The following POT1 variants were observed in gnomAD, a reference collection of about 807,000 sequenced individuals.
The protein encoded by POT1 is protection of telomeres protein 1.
POT1 carries 47 observed loss-of-function variants against 78.5 expected under a neutral mutation model. That is an observed-to-expected ratio of 0.60 (90% confidence interval 0.47 to 0.76). The LOEUF (loss-of-function observed/expected upper bound fraction) is 0.76. Among genes scored for constraint, POT1 ranks in the 30% least tolerant of loss-of-function variants. The probability of loss-of-function intolerance (pLI) is 0.00; values close to 1 mark genes in which losing one functional copy is unlikely to be tolerated. For missense variants in POT1, 646 were observed against 749.9 expected, an observed-to-expected ratio of 0.86 and a Z score of 1.62; for synonymous variants, 259 against 260.7, an observed-to-expected ratio of 0.99 and a Z score of 0.06.
At chr7:124,853,910 AT>A (rs913251234) in intron 9 of POT1, among the ~76,000 whole-genome samples, 2 of 152,106 alleles carry the variant, frequency 1.3e-5, no homozygotes, top group African/African-American at 4.8e-5. Context: ...AAGAAGCTAT[AT>A]AACCTAAATC....
rs541641029 is a variant in POT1 at position 124,855,692 on chromosome 7, C to CA, written c.703-2555dup. Among the ~76,000 whole-genome samples, 1,041 of 149,236 alleles carry CA rather than the reference C, an allele frequency of 7.0e-3. 11 individuals are homozygous for CA. Among genetic ancestry groups the CA allele is most frequent in the African/African-American group, 0.025 (1,007 of 40,564 alleles). ...AAACTAGAAACACTAAAAAAAAAAGCAAAGTAAATATGGCTAGTAAGAAAT... is the reference window on the plus strand; with the variant it reads ...AAACTAGAAACACTAAAAAAAAAAGCAAAAGTAAATATGGCTAGTAAGAAAT... On this transcript the variant is annotated intron_variant, in intron 9 of 18. Coordinates refer to ENST00000357628, the MANE Select transcript of POT1 (RefSeq NM_015450.3).
chr7:124,828,028 G>C (rs753599936), intron 16 of POT1, among the ~76,000 whole-genome samples: 10 of 151,930 alleles, frequency 6.6e-5, no homozygotes, highest in Non-Finnish European at 1.3e-4. Context: ...GTAAGGCTCT[G>C]TCTCAAAATA....
chr7:124,846,184 C>CACACACACAG (rs1554421673), intron 12 of POT1, among the ~76,000 whole-genome samples: 3 of 150,572 alleles, frequency 2.0e-5, no homozygotes, highest in Admixed American at 6.6e-5. Flanking sequence ...CACACACACA[C>CACACACACAG]CCCTATAATA....
intron 15 of POT1, among the ~76,000 whole-genome samples, chr7:124,830,376 T>C (rs1483646959): frequency 6.6e-6 from 1 of 152,162 alleles, no homozygotes; most frequent in Non-Finnish European, 1.5e-5. Context: ...ATGCAATTTG[T>C]TTTCATTTGC....
At chr7:124,887,114 G>A (rs1796260145) in intron 6 of POT1, among the ~76,000 whole-genome samples, 1 of 152,046 alleles carries the variant, frequency 6.6e-6, no homozygotes, top group Non-Finnish European at 1.5e-5. Flanking sequence ...CGTAACATTT[G>A]AAGAAAATTG....
chr7:124,825,088 CCT>C (rs1794597208), intron 18 of POT1, among the ~76,000 whole-genome samples, 162 bp downstream of exon 18: 1 of 151,902 alleles, frequency 6.6e-6, no homozygotes, highest in Admixed American at 6.6e-5. Flanking sequence ...CTATTTTATC[CCT>C]GCCACTCTCT....
chr7:124,827,331 C>A (rs1794655856), intron 16 of POT1, 26 bp from the exon 17 acceptor site: 1 of 1,331,944 alleles, frequency 7.5e-7, no homozygotes, highest in South Asian at 1.3e-5. Flanking sequence ...AAGATCAAAC[C>A]ATATGAGTCT....
intron 6 of POT1, among the ~76,000 whole-genome samples, chr7:124,878,524 T>A (rs777522139): frequency 6.6e-6 from 1 of 152,232 alleles, no homozygotes; most frequent in Non-Finnish European, 1.5e-5. Context: ...AATGGATATG[T>A]TAATTAGCTT....
At chr7:124,897,877 C>T (rs557495628) in intron 4 of POT1, among the ~76,000 whole-genome samples, 1 of 151,928 alleles carries the variant, frequency 6.6e-6, no homozygotes, top group East Asian at 1.9e-4. Context: ...AGAGGAAGGC[C>T]ATCTTCACAA....
intron 15 of POT1, among the ~76,000 whole-genome samples, chr7:124,832,591 G>C (rs1007674023): frequency 6.6e-6 from 1 of 152,138 alleles, no homozygotes; most frequent in Non-Finnish European, 1.5e-5. Flanking sequence ...GAGGTGGGCA[G>C]ATCACCTAAG....
chr7:124,847,835 T>C (rs1185318125), intron 11 of POT1, among the ~76,000 whole-genome samples: 13 of 152,192 alleles, frequency 8.5e-5, no homozygotes, highest in Admixed American at 6.5e-4. Flanking sequence ...GAAAATTTAG[T>C]GTGAGGAAAA....
intron 8 of POT1, among the ~76,000 whole-genome samples, chr7:124,861,150 T>C (rs1795586424): frequency 6.6e-6 from 1 of 152,196 alleles, no homozygotes. Flanking sequence ...TTAAACAGTA[T>C]TTCTGGTTTT....
At chr7:124,826,905 T>TA (rs1470385455) in intron 17 of POT1, among the ~76,000 whole-genome samples, 1 of 134,290 alleles carries the variant, frequency 7.4e-6, no homozygotes, top group Non-Finnish European at 1.6e-5. Flanking sequence ...CAAACAAAAG[T>TA]ACGATAAAAT....
At chr7:124,841,771 T>C (rs1331498343) in intron 13 of POT1, among the ~76,000 whole-genome samples, 2 of 151,978 alleles carry the variant, frequency 1.3e-5, no homozygotes, top group African/African-American at 4.8e-5. Flanking sequence ...TGAGATAATA[T>C]CCTTATTTGT....
At chr7:124,897,140 T>C (rs1277755434) in intron 5 of POT1, 25 bp downstream of exon 5, 2 of 1,414,498 alleles carry the variant, frequency 1.4e-6, no homozygotes, top group Admixed American at 1.9e-5. Context: ...TGTAATACTC[T>C]AAATTAAACT....
Position 124,897,231 on chromosome 7 carries a change from G to T in POT1, c.-39-19C>A, listed in dbSNP as rs184260355. 282 of 1,218,070 alleles carry T rather than the reference G, an allele frequency of 2.3e-4. No homozygotes were observed. In the African/African-American group the frequency reaches 3.1e-3, roughly 13 times the overall value. The allele number at this position is 1,218,070 out of a possible 1,614,324, so 75.5% of individuals were successfully genotyped here. A position where few individuals can be genotyped will look rare whatever the true frequency, so the allele number is the denominator to read the frequency against. On this transcript the variant is annotated intron_variant, in intron 4 of 18. Transcript: ENST00000357628. ...CATAAACCTGAAGGAAAAAAAGAAA[G>T]AACTTATTTGTATACAGATAACCTC... is the stretch of plus-strand genomic sequence containing the variant.
At chr7:124,902,364 C>T (rs1412647446) in intron 3 of POT1, among the ~76,000 whole-genome samples, 1 of 152,036 alleles carries the variant, frequency 6.6e-6, no homozygotes, top group African/African-American at 2.4e-5. Flanking sequence ...AGAGTTGGGG[C>T]CAATATTCAA....
intron 5 of POT1, among the ~76,000 whole-genome samples, chr7:124,895,622 C>A (rs914709597): frequency 6.6e-6 from 1 of 151,584 alleles, no homozygotes; most frequent in South Asian, 2.1e-4. Flanking sequence ...GAACAAAACA[C>A]AAATAGACCC....
At chr7:124,836,155 A>G (rs1205209102) in intron 14 of POT1, among the ~76,000 whole-genome samples, 1 of 152,216 alleles carries the variant, frequency 6.6e-6, no homozygotes, top group Non-Finnish European at 1.5e-5. Context: ...ACATCCAAAG[A>G]CACACTTGAC....
Sources: gnomAD v4.1 joint callset for allele counts (sites outside exome capture counted in the v4.1 genomes callset) on GRCh38, gnomAD v4.1.1 for gene constraint, MANE v1.5 for transcripts, NCBI Gene and HGNC (gene_info 2026-07-23, HGNC 2026-07-21) for gene names.